Variants in RCOR1 observed in about 807,000 individuals in gnomAD.
The protein encoded by RCOR1 is REST corepressor.
Under a neutral mutation model 64.0 loss-of-function variants are expected in RCOR1, and 12 were observed. The ratio of observed to expected loss-of-function variants is 0.19; its 90% CI spans 0.12 to 0.30. RCOR1 has a LOEUF of 0.30. Among genes scored for constraint, RCOR1 ranks in the 10% least tolerant of loss-of-function variants. RCOR1 has a pLI of 1.00. For missense variants in RCOR1, 502 were observed against 621.2 expected (o/e 0.81, Z 2.04); for synonymous variants, 279 against 227.2 (o/e 1.23, Z -2.05).
In RCOR1 at chr14:102,681,889, C is replaced by T; in HGVS notation, c.362-6C>T. 1.2e-6 allele frequency: 2 copies of T among 1,610,312 alleles called. No individual in the cohort carries two copies. Among genetic ancestry groups the T allele is most frequent in the Non-Finnish European group, 1.7e-6 (2 of 1,177,152 alleles). On this transcript the variant is annotated splice_region_variant and splice_polypyrimidine_tract_variant and intron_variant, in intron 2 of 11. Coordinates refer to ENST00000262241, the MANE Select transcript of RCOR1 (RefSeq NM_015156.4). ...AATAAGAATTTTCTTTTTTCTTTCT[C>T]CCAAGCCAAACTGGCAAGACGCAGT...
intron 2 of RCOR1, among the ~76,000 whole-genome samples, chr14:102,631,681 TCTC>T (rs1894113907): frequency 6.6e-6 from 1 of 152,280 alleles, no homozygotes; most frequent in Non-Finnish European, 1.5e-5. Flanking sequence ...TTCCTGCAGT[TCTC>T]CTAATGTGAA....
rs1013544010 is a variant in RCOR1, at chr14:102,729,683, G to A, written c.*3177G>A. On this transcript the variant is annotated 3_prime_UTR_variant, in exon 12 of 12. Transcript: ENST00000262241. ...CTCAGATACCACAGACCACTGTTAA[G>A]TGTGCTCATTGTCACTTTAAATTTC... The A allele has an allele frequency of 1.3e-5, 5 of 395,704 alleles. No homozygotes were observed. Among genetic ancestry groups the A allele is most frequent in the Non-Finnish European group, 2.2e-5 (5 of 224,590 alleles). The allele number at this position is 395,704 out of a possible 1,614,324, so 24.5% of individuals were successfully genotyped here. A position where few individuals can be genotyped will look rare whatever the true frequency, so the allele number is the denominator to read the frequency against.
At chr14:102,609,956 GACA>G (rs1433604746) in intron 2 of RCOR1, among the ~76,000 whole-genome samples, 1 of 152,024 alleles carries the variant, frequency 6.6e-6, no homozygotes, top group Non-Finnish European at 1.5e-5. Context: ...TGGACAACAT[GACA>G]ACATGGTGAA....
At chr14:102,612,552 T>G (rs994196311) in intron 2 of RCOR1, among the ~76,000 whole-genome samples, 8 of 151,994 alleles carry the variant, frequency 5.3e-5, no homozygotes, top group Non-Finnish European at 1.2e-4. Context: ...CCCAGGCTGC[T>G]CTTGAACTCC....
chr14:102,690,348 G>C (rs572717486), intron 3 of RCOR1, among the ~76,000 whole-genome samples: 2 of 152,084 alleles, frequency 1.3e-5, no homozygotes, highest in Non-Finnish European at 2.9e-5. Flanking sequence ...TCTATTCAGA[G>C]CATCCCAGTA....
chr14:102,622,426 G>A (rs958395278), intron 2 of RCOR1, among the ~76,000 whole-genome samples: 2 of 152,258 alleles, frequency 1.3e-5, no homozygotes, highest in East Asian at 1.9e-4. Context: ...CTTGGGAACC[G>A]TGAGCATTGT....
intron 2 of RCOR1, among the ~76,000 whole-genome samples, chr14:102,636,180 T>C (rs895942532): frequency 2.0e-5 from 3 of 152,090 alleles, no homozygotes; most frequent in East Asian, 1.9e-4. Flanking sequence ...CCTCGTGATC[T>C]GCCCGCCTTG....
chr14:102,657,131 C>G (rs1477223015), intron 2 of RCOR1: 1 of 969,690 alleles, frequency 1.0e-6, no homozygotes, highest in African/African-American at 2.0e-5. Flanking sequence ...TTTAGGTTGA[C>G]TATGTAAACC....
At position 102,694,226 on chromosome 14, in the gene RCOR1, A is replaced by T. The variant is rs190407559; in HGVS notation, c.446-7052A>T. On this transcript the variant is annotated intron_variant, in intron 3 of 11. Transcript: ENST00000262241. ...AGACTGACTTATTCTGTAAAGTGGG[A>T]TTTTAACAAACTCCCACTAAGAAAT... Among the ~76,000 whole-genome samples the T allele has an allele frequency of 1.5e-4, 23 of 152,254 alleles. 1 individual carries two copies. Among genetic ancestry groups the T allele is most frequent in the East Asian group, 1.2e-3 (6 of 5,190 alleles).
rs540913919 is a variant in RCOR1 at position 102,594,411 on chromosome 14, A to G, written c.361+1086A>G. ...GGAAACAAGACTGCAGAAAATTGCAATGATCTAGTCCTTGAAAAAGGCGAT... is the reference window on the plus strand; with the variant it reads ...GGAAACAAGACTGCAGAAAATTGCAGTGATCTAGTCCTTGAAAAAGGCGAT... On this transcript the variant is annotated intron_variant, in intron 2 of 11. Transcript: ENST00000262241. Among the ~76,000 whole-genome samples the G allele has an allele frequency of 5.9e-5, 9 of 152,310 alleles. No homozygotes were observed. The East Asian group carries it at 1.5e-3, about 26-fold the overall frequency.
chr14:102,707,637 A>C (rs563292924), intron 5 of RCOR1, 125 bp downstream of exon 5: 4 of 852,200 alleles, frequency 4.7e-6, no homozygotes, highest in Non-Finnish European at 7.2e-6. Flanking sequence ...GTTCCCCTTT[A>C]GATTCAGCTT....
chr14:102,729,028 G>C lies in RCOR1; in HGVS notation c.*2522G>C, dbSNP rs11548118. ...GGTGCATTGGCAGGTAGGGTTTGGG[G>C]TGTGATAACTGCTTCAGATGGAATG... On this transcript the variant is annotated 3_prime_UTR_variant, in exon 12 of 12. Transcript: ENST00000262241. 33,129 of 152,546 alleles carry C rather than the reference G, an allele frequency of 0.22. 3,833 individuals are homozygous for C. Among genetic ancestry groups the C allele is most frequent in the East Asian group, 0.39 (2,035 of 5,164 alleles). The allele number at this position is 152,546 out of a possible 1,614,324, so 9.4% of individuals were successfully genotyped here.
intron 2 of RCOR1, among the ~76,000 whole-genome samples, chr14:102,651,505 A>T (rs1438795707): frequency 6.6e-6 from 1 of 151,642 alleles, no homozygotes; most frequent in Non-Finnish European, 1.5e-5. Context: ...GTGAGCCGAG[A>T]TTGCGCCACT....
At chr14:102,702,937 A>C (rs138042338) in intron 4 of RCOR1, among the ~76,000 whole-genome samples, 1 of 152,234 alleles carries the variant, frequency 6.6e-6, no homozygotes. Context: ...TAAAACAACT[A>C]TCTTAAAGAT....
chr14:102,654,454 G>A (rs1894680602), intron 2 of RCOR1, among the ~76,000 whole-genome samples: 1 of 152,136 alleles, frequency 6.6e-6, no homozygotes, highest in African/African-American at 2.4e-5. Context: ...GCCGCATAAT[G>A]GCTGTGGGTT....
At chr14:102,679,662 T>C (rs895128196) in intron 2 of RCOR1, among the ~76,000 whole-genome samples, 2 of 152,128 alleles carry the variant, frequency 1.3e-5, no homozygotes, top group Admixed American at 1.3e-4. Context: ...GTATTTTTAG[T>C]ATAGACGGGG....
intron 1 of RCOR1, 28 bp downstream of exon 1, chr14:102,593,215 G>A (rs775045105): frequency 4.1e-6 from 6 of 1,477,612 alleles, no homozygotes; most frequent in Non-Finnish European, 5.4e-6. Context: ...CCGCGGCCCC[G>A]GGCCCCGCGC....
Position 102,722,202 on chromosome 14 carries a change from G to A in RCOR1, c.1205G>A (p.Gly402Asp). The change falls in exon 11 of 12, where the codon GGC becomes GAC. Residue 402 changes from glycine (G) to aspartate (D), a missense_variant. This residue lies in a region of RCOR1 where 260 missense variants were observed against 416.4 expected (regional missense o/e 0.62). Coordinates refer to ENST00000262241, the MANE Select transcript of RCOR1 (RefSeq NM_015156.4). The stretch of plus-strand genomic sequence containing the variant: ...ACATCCTTAGCCATCAGGAAATATG[G>A]CCGAGATTTTCAGGCAATCTCAGAC... Reference protein sequence around the residue: ...LLAVQAIRKYGRDFQAISDVI... With the variant: ...LLAVQAIRKYDRDFQAISDVI... 1.9e-6 allele frequency: 3 copies of A among 1,613,918 alleles called. No individual in the cohort carries two copies. Among genetic ancestry groups the A allele is most frequent in the Non-Finnish European group, 2.5e-6 (3 of 1,179,814 alleles).
chr14:102,644,142 A>AAG (rs1894430639), intron 2 of RCOR1, among the ~76,000 whole-genome samples: 1 of 152,214 alleles, frequency 6.6e-6, no homozygotes, highest in Non-Finnish European at 1.5e-5. Context: ...TTGGCTGGCC[A>AAG]GACAGCTTTC....
Sources: gnomAD v4.1 joint callset for allele counts (sites outside exome capture counted in the v4.1 genomes callset) on GRCh38, gnomAD v4.1.1 for gene constraint, gnomAD v4.1.1 regional missense constraint, MANE v1.5 for transcripts, NCBI Gene and HGNC (gene_info 2026-07-23, HGNC 2026-07-21) for gene names.